COQ9: variants seen among roughly 807,000 people sequenced by gnomAD.
COQ9 encodes the protein ubiquinone biosynthesis protein COQ9, mitochondrial.
COQ9 carries 35 observed loss-of-function variants against 42.4 expected under a neutral mutation model. That is an observed-to-expected ratio of 0.83 (90% confidence interval 0.63 to 1.10). The LOEUF (loss-of-function observed/expected upper bound fraction) is 1.10. Among genes scored for constraint, COQ9 ranks in the 50% least tolerant of loss-of-function variants. The probability of loss-of-function intolerance (pLI) is 0.00; values close to 1 mark genes in which losing one functional copy is unlikely to be tolerated. For synonymous variants in COQ9, 155 were observed against 155.1 expected (o/e 1.00, Z 0.00); for missense variants, 406 against 414.6 (o/e 0.98, Z 0.18).
At chr16:57,448,462 C>T (rs1359834559) in intron 1 of COQ9, among the ~76,000 whole-genome samples, 1 of 151,714 alleles carries the variant, frequency 6.6e-6, no homozygotes, top group Non-Finnish European at 1.5e-5. Flanking sequence ...CTCACTCTGT[C>T]ACCCAGGCTG....
chr16:57,456,998 A>T lies in COQ9; in HGVS notation c.589A>T (p.Ile197Phe). 6.2e-7 allele frequency: 1 copy of T among 1,613,902 alleles called. No individual in the cohort carries two copies. Among genetic ancestry groups the T allele is most frequent in the Non-Finnish European group, 8.5e-7 (1 of 1,179,772 alleles). ...CAGACTGAGAATGCTGATCCCATACATTGAGCACTGGCCCCGGGTACCAAG... is the reference window on the plus strand; with the variant it reads ...CAGACTGAGAATGCTGATCCCATACTTTGAGCACTGGCCCCGGGTACCAAG... ...ETRLRMLIPY[I>F]EHWPRALSIL... is the part of the protein sequence containing the mutation. Residue 197 changes from isoleucine (I) to phenylalanine (F), a missense_variant, in exon 5 of 9, where the codon ATT becomes TTT. Physicochemically the swap from Ile to Phe is conservative, Grantham distance 21. Transcript: ENST00000262507.
At chr16:57,456,328 C>T in intron 3 of COQ9, 176 bp from the exon 4 acceptor site, 3 of 686,712 alleles carry the variant, frequency 4.4e-6, no homozygotes, top group Non-Finnish European at 7.8e-6. Flanking sequence ...TGCACACACA[C>T]CAAGGGGCTT....
chr16:57,455,409 AT>A (rs2030379223), intron 3 of COQ9, among the ~76,000 whole-genome samples: 1 of 148,214 alleles, frequency 6.7e-6, no homozygotes, highest in Non-Finnish European at 1.5e-5. Context: ...ATATATATAT[AT>A]ATATATAAAA....
chr16:57,458,478 G>T (rs1242208511), intron 6 of COQ9, 128 bp downstream of exon 6: 2 of 741,168 alleles, frequency 2.7e-6, no homozygotes, highest in African/African-American at 1.7e-5. Flanking sequence ...CCCATCTAAG[G>T]TATGAGGAAG....
Position 57,456,996 on chromosome 16 carries a change from A to C in COQ9, c.587A>C (p.Tyr196Ser). The C allele has an allele frequency of 6.2e-7, 1 of 1,613,918 alleles. No homozygotes were observed. The highest frequency in any genetic ancestry group is 8.5e-7 in the Non-Finnish European group (1 of 1,179,782). Residue 196 changes from tyrosine to serine, a missense_variant, in exon 5 of 9, where the codon TAC becomes TCC. Transcript: ENST00000262507. Reference protein sequence around the residue: ...VETRLRMLIPYIEHWPRALSI... With the variant: ...VETRLRMLIPSIEHWPRALSI... ...ACCAGACTGAGAATGCTGATCCCAT[A>C]CATTGAGCACTGGCCCCGGGTACCA...
At chr16:57,454,722 G>T (rs1002871928) in intron 3 of COQ9, among the ~76,000 whole-genome samples, 1 of 152,184 alleles carries the variant, frequency 6.6e-6, no homozygotes, top group Non-Finnish European at 1.5e-5. Context: ...ATTGAAGAAT[G>T]AATAGGCTTT....
At chr16:57,458,047 C>T (rs769413012) in intron 5 of COQ9, 199 bp from the exon 6 acceptor site, 33 of 611,818 alleles carry the variant, frequency 5.4e-5, no homozygotes, top group Middle Eastern at 4.3e-4. Flanking sequence ...TTGCATAAGA[C>T]GGGGCTATGC....
chr16:57,459,089 A>G (rs1474785232), intron 6 of COQ9, among the ~76,000 whole-genome samples: 1 of 152,226 alleles, frequency 6.6e-6, no homozygotes, highest in Non-Finnish European at 1.5e-5. Flanking sequence ...TAGAACAATC[A>G]GAAGTTGCTG....
chr16:57,448,745 A>C (rs72780621), intron 1 of COQ9, among the ~76,000 whole-genome samples: 6,431 of 152,178 alleles, frequency 0.042, 185 homozygotes, highest in Middle Eastern at 0.086. Flanking sequence ...TTCCAAACTA[A>C]AGATGTGTAG....
intron 1 of COQ9, 40 bp from the exon 2 acceptor site, chr16:57,451,000 T>G: frequency 6.2e-7 from 1 of 1,611,220 alleles, no homozygotes; most frequent in Non-Finnish European, 8.5e-7. Context: ...GAAAGGGTCT[T>G]CTCTGTTGAA....
chr16:57,451,670 AATAGAT>A (rs1394355061), intron 2 of COQ9, among the ~76,000 whole-genome samples: 1 of 152,318 alleles, frequency 6.6e-6, no homozygotes, highest in East Asian at 1.9e-4. Flanking sequence ...TTTTGTATAG[AATAGAT>A]ATAATGTGTA....
At position 57,447,539 on chromosome 16, in the gene COQ9, C is replaced by A; in HGVS notation, c.34C>A (p.Arg12=). The A allele has an allele frequency of 7.6e-7, 1 of 1,310,172 alleles. No homozygotes were observed. The highest frequency in any genetic ancestry group is 9.8e-7 in the Non-Finnish European group (1 of 1,023,894). 81.2% of individuals were successfully genotyped at this position (1,310,172 alleles called of 1,614,324 possible). A position where few individuals can be genotyped will look rare whatever the true frequency, so the allele number is the denominator to read the frequency against. ...AAAAVSGALG[R]AGWRLLQLRC... ...GGCGGCGGTATCTGGTGCGCTTGGCCGGGCGGGCTGGAGGCTCCTGCAGCT... is the reference window on the plus strand; with the variant it reads ...GGCGGCGGTATCTGGTGCGCTTGGCAGGGCGGGCTGGAGGCTCCTGCAGCT... The change falls in exon 1 of 9, where the codon CGG becomes AGG. Residue 12 remains arginine (R), a synonymous_variant. Coordinates refer to ENST00000262507, the MANE Select transcript of COQ9 (RefSeq NM_020312.4).
chr16:57,454,328 T>G (rs1448183189), intron 3 of COQ9: 1 of 152,244 alleles, frequency 6.6e-6, no homozygotes, highest in Non-Finnish European at 1.5e-5. Context: ...ATGTTGCCTG[T>G]TAAACTATGA....
intron 1 of COQ9, among the ~76,000 whole-genome samples, chr16:57,449,745 A>G (rs2030239932): frequency 6.6e-6 from 1 of 152,202 alleles, no homozygotes; most frequent in African/African-American, 2.4e-5. Context: ...ACAAGCAAAA[A>G]CTAACCTAGA....
Position 57,451,205 on chromosome 16 carries a change from C to G in COQ9, c.239C>G (p.Pro80Arg). 6.2e-7 allele frequency: 1 copy of G among 1,614,188 alleles called. No homozygotes were observed. Among genetic ancestry groups the G allele is most frequent in the Non-Finnish European group, 8.5e-7 (1 of 1,180,024 alleles). ...KPDPESSHSP[P>R]RYTDQGGEEE... ...GATCCAGAGTCTTCTCATTCACCCC[C>G]CAGGTAGGCACCAATCCACCTATTT... Residue 80 changes from proline to arginine, a missense_variant, in exon 2 of 9, where the codon CCC (proline) becomes CGC (arginine). Physicochemically the swap from Pro to Arg is moderately radical, Grantham distance 103. Coordinates refer to ENST00000262507, the MANE Select transcript of COQ9 (RefSeq NM_020312.4).
In COQ9 at chr16:57,447,525, C is replaced by T. The variant is rs1198499357; in HGVS notation, c.20C>T (p.Ser7Phe). The T allele has an allele frequency of 4.0e-5, 52 of 1,310,758 alleles. No individual in the cohort carries two copies. Among genetic ancestry groups the T allele is most frequent in the African/African-American group, 1.1e-4 (7 of 65,348 alleles). The allele number at this position is 1,310,758 out of a possible 1,614,324, so 81.2% of individuals were successfully genotyped here. Residue 7 changes from serine (S) to phenylalanine (F), a missense_variant, in exon 1 of 9, where the codon TCT becomes TTT. Ser to Phe is a radical substitution (Grantham distance 155). Transcript: ENST00000262507. MAAAAV[S>F]GALGRAGWRL... Reference sequence around the variant, plus strand: ...TCCAAAATGGCGGCGGCGGCGGTATCTGGTGCGCTTGGCCGGGCGGGCTGG... The same window carrying T: ...TCCAAAATGGCGGCGGCGGCGGTATTTGGTGCGCTTGGCCGGGCGGGCTGG...
intron 1 of COQ9, among the ~76,000 whole-genome samples, chr16:57,448,964 A>G (rs1239162743): frequency 1.3e-5 from 2 of 152,234 alleles, no homozygotes; most frequent in African/African-American, 4.8e-5. Flanking sequence ...AAAGCTGGAC[A>G]CTAAAGTGAT....
chr16:57,452,847 G>A lies in COQ9; in HGVS notation c.289G>A (p.Glu97Lys). 2 of 1,613,714 alleles carry A rather than the reference G, an allele frequency of 1.2e-6. No individual in the cohort carries two copies. The highest frequency in any genetic ancestry group is 1.7e-6 in the Non-Finnish European group (2 of 1,180,014). Residue 97 changes from glutamate (E) to lysine (K), a missense_variant, in exon 3 of 9, where the codon GAG (glutamate) becomes AAG (lysine). Coordinates refer to ENST00000262507, the MANE Select transcript of COQ9 (RefSeq NM_020312.4). ...GGAGGAGGAGGACTATGAAAGTGAG[G>A]AGCAGTTGCAGCACCGCATCCTGAC... The part of the protein sequence containing the change: ...GEEEEDYESE[E>K]QLQHRILTAA...
At chr16:57,455,668 G>A (rs369990890) in intron 3 of COQ9, among the ~76,000 whole-genome samples, 13 of 151,978 alleles carry the variant, frequency 8.6e-5, no homozygotes, top group African/African-American at 2.4e-4. Flanking sequence ...GGAGTGGATC[G>A]AGGTGTGCAT....
Sources: allele counts gnomAD v4.1 joint callset (sites outside exome capture counted in the v4.1 genomes callset), GRCh38; gene constraint gnomAD v4.1.1; transcripts MANE v1.5; gene names NCBI Gene and HGNC (gene_info 2026-07-23, HGNC 2026-07-21).